The following CDH13 variants were observed in gnomAD, a reference collection of about 807,000 sequenced individuals.
CDH13 encodes the protein cadherin 13.
A neutral mutation model predicts 63.8 loss-of-function variants in CDH13; 24 were observed. That is an observed-to-expected ratio of 0.38 (90% CI 0.27 to 0.53). CDH13 has a LOEUF of 0.53. Ranked by LOEUF, CDH13 falls within the 20% of genes least tolerant of loss-of-function variation. The pLI is 0.85. For synonymous variants in CDH13, 503 were observed against 355.3 expected, an observed-to-expected ratio of 1.42 and a Z score of -4.67; for missense variants, 1,049 against 903.1, an observed-to-expected ratio of 1.16 and a Z score of -2.07.
chr16:83,043,923 T>C (rs1917554287), intron 3 of CDH13, among the ~76,000 whole-genome samples: 1 of 152,240 alleles, frequency 6.6e-6, no homozygotes, highest in Non-Finnish European at 1.5e-5. Flanking sequence ...AGTATATATT[T>C]TATGCTTAAG....
At chr16:82,881,656 C>T (rs916175271) in intron 2 of CDH13, among the ~76,000 whole-genome samples, 3 of 152,168 alleles carry the variant, frequency 2.0e-5, no homozygotes, top group Non-Finnish European at 4.4e-5. Flanking sequence ...TTACAGAATT[C>T]ACTACAGTCA....
intron 4 of CDH13, among the ~76,000 whole-genome samples, chr16:83,146,462 G>A (rs1192292478): frequency 3.3e-5 from 5 of 151,882 alleles, no homozygotes; most frequent in Non-Finnish European, 5.9e-5. Flanking sequence ...TTCCCTTATG[G>A]TTACAAGCTG....
At chr16:83,043,452 A>C (rs1359351902) in intron 3 of CDH13, among the ~76,000 whole-genome samples, 3 of 151,824 alleles carry the variant, frequency 2.0e-5, no homozygotes, top group Non-Finnish European at 2.9e-5. Flanking sequence ...AAACCAGTGA[A>C]ATTAACTTTA....
At chr16:83,469,993 T>C (rs1324599385) in intron 6 of CDH13, among the ~76,000 whole-genome samples, 1 of 152,186 alleles carries the variant, frequency 6.6e-6, no homozygotes, top group Non-Finnish European at 1.5e-5. Context: ...ATAAATTTCT[T>C]TTACTTGGCC....
intron 2 of CDH13, among the ~76,000 whole-genome samples, chr16:82,944,745 T>A (rs1000490361): frequency 3.9e-5 from 6 of 152,150 alleles, no homozygotes; most frequent in Admixed American, 2.6e-4. Context: ...TAGGCCCTTG[T>A]GAATTTATTT....
chr16:82,842,024 C>T (rs1409012256), intron 1 of CDH13, among the ~76,000 whole-genome samples: 2 of 149,342 alleles, frequency 1.3e-5, no homozygotes, highest in Non-Finnish European at 3.0e-5. Flanking sequence ...GGGTACCCCT[C>T]ACTGCTAGAA....
chr16:83,185,943 A>G (rs1384545292), intron 4 of CDH13, among the ~76,000 whole-genome samples: 5 of 152,056 alleles, frequency 3.3e-5, no homozygotes, highest in Non-Finnish European at 5.9e-5. Context: ...ACCAATTATC[A>G]TCCCCTTTTT....
intron 7 of CDH13, among the ~76,000 whole-genome samples, chr16:83,556,853 G>A (rs917760730): frequency 2.6e-5 from 4 of 152,210 alleles, no homozygotes; most frequent in Non-Finnish European, 4.4e-5. Context: ...TACAGCAAAG[G>A]AAACGTTGAA....
intron 1 of CDH13, among the ~76,000 whole-genome samples, chr16:82,786,486 T>C (rs1040250912): frequency 3.6e-5 from 5 of 138,826 alleles, no homozygotes; most frequent in African/African-American, 1.3e-4. Context: ...TTTTGGTTTT[T>C]CTTCTTCTTT....
At chr16:83,511,046 G>T (rs868795793) in intron 7 of CDH13, among the ~76,000 whole-genome samples, 1 of 133,154 alleles carries the variant, frequency 7.5e-6, no homozygotes, top group Non-Finnish European at 1.6e-5. Context: ...GCATGCACAC[G>T]TGTGTGCACA....
rs1015145531 is a variant in CDH13 at position 83,006,072 on chromosome 16, T to A, written c.158-25938T>A. Among the ~76,000 whole-genome samples the A allele has an allele frequency of 2.0e-5, 3 of 152,358 alleles. No individual in the cohort carries two copies. In the East Asian group the frequency reaches 5.8e-4, roughly 29 times the overall value. ...ATTTCATGTCCTTAAGGTTGGTAGC[T>A]TAAGATAGCTTGTGCTTCAGTTGCA... On this transcript the variant is annotated intron_variant, in intron 2 of 13. Coordinates refer to ENST00000567109, the MANE Select transcript of CDH13 (RefSeq NM_001257.5).
At chr16:82,921,881 C>T (rs2042166721) in intron 2 of CDH13, among the ~76,000 whole-genome samples, 2 of 151,994 alleles carry the variant, frequency 1.3e-5, no homozygotes, top group Non-Finnish European at 2.9e-5. Context: ...TGGGTCTGAG[C>T]TTTTCTTTGC....
chr16:82,888,700 G>A (rs1382540629), intron 2 of CDH13, among the ~76,000 whole-genome samples: 1 of 152,154 alleles, frequency 6.6e-6, no homozygotes, highest in Non-Finnish European at 1.5e-5. Flanking sequence ...TCCTGAATGG[G>A]GATTATTTAT....
At chr16:83,466,728 C>G (rs1049056259) in intron 6 of CDH13, among the ~76,000 whole-genome samples, 12 of 152,232 alleles carry the variant, frequency 7.9e-5, no homozygotes, top group Middle Eastern at 3.2e-3. Flanking sequence ...AACACACATT[C>G]AGGTGCATCT....
chr16:82,732,338 T>C (rs1273143968), intron 1 of CDH13, among the ~76,000 whole-genome samples: 1 of 152,176 alleles, frequency 6.6e-6, no homozygotes, highest in Non-Finnish European at 1.5e-5. Flanking sequence ...TAAGTACTAA[T>C]TCAGCAAGTT....
At chr16:83,396,779 G>A (rs2091893430) in intron 6 of CDH13, 1 of 128,592 alleles carries the variant, frequency 7.8e-6, no homozygotes, top group Non-Finnish European at 1.7e-5. Flanking sequence ...GATGATGATA[G>A]GAACATTAGG....
intron 1 of CDH13, chr16:82,829,523 A>T (rs1010704240): frequency 6.6e-6 from 1 of 152,178 alleles, no homozygotes; most frequent in Non-Finnish European, 1.5e-5. Context: ...AGGGTGGAAA[A>T]GTGCAGTCGG....
intron 1 of CDH13, among the ~76,000 whole-genome samples, chr16:82,665,050 C>G (rs1912424779): frequency 6.6e-6 from 1 of 152,158 alleles, no homozygotes; most frequent in Non-Finnish European, 1.5e-5. Context: ...ATATACAGAG[C>G]TGTGACAAAT....
rs1302768654 is a variant in CDH13 at position 83,134,594 on chromosome 16, TGA to T, written c.483+9095_483+9096del. On this transcript the variant is annotated intron_variant, in intron 4 of 13. Coordinates refer to ENST00000567109, the MANE Select transcript of CDH13 (RefSeq NM_001257.5). ...GAGAGAGAGAGAGAGAGAGAGAGAGTGAGTTACATGACTGTATTTCTGAATTT... is the reference window on the plus strand; with the variant it reads ...GAGAGAGAGAGAGAGAGAGAGAGAGTGTTACATGACTGTATTTCTGAATTT... 1.8e-4 allele frequency among the ~76,000 whole-genome samples: 6 copies of T among 32,930 alleles called. 1 individual carries two copies. The highest frequency in any genetic ancestry group is 4.7e-4 in the African/African-American group (3 of 6,410). 21.6% of individuals were successfully genotyped at this position (32,930 alleles called of 152,430 possible).
Sources: gnomAD v4.1 joint callset for allele counts (sites outside exome capture counted in the v4.1 genomes callset) on GRCh38, gnomAD v4.1.1 for gene constraint, MANE v1.5 for transcripts, NCBI Gene and HGNC (gene_info 2026-07-23, HGNC 2026-07-21) for gene names.